Variants in IFI16 observed in about 807,000 individuals in gnomAD.
IFI16 encodes interferon gamma inducible protein 16.
Under a neutral mutation model 68.4 loss-of-function variants are expected in IFI16, and 49 were observed. The ratio of observed to expected loss-of-function variants is 0.72; its 90% CI spans 0.57 to 0.91. The LOEUF (loss-of-function observed/expected upper bound fraction) is 0.91. IFI16 is among the 40% of genes least tolerant of loss of function. The pLI is 0.00. For missense variants in IFI16, 878 were observed against 942.9 expected, an observed-to-expected ratio of 0.93 and a Z score of 0.90; for synonymous variants, 307 against 315.0, an observed-to-expected ratio of 0.97 and a Z score of 0.27.
Position 159,037,282 on chromosome 1 carries a change from G to A in IFI16, c.1329+4591G>A, listed in dbSNP as rs147598443. On this transcript the variant is annotated intron_variant, in intron 7 of 11. Coordinates refer to ENST00000295809, the MANE Select transcript of IFI16 (RefSeq NM_001376587.1). ...GGACAGGGATTCTAGAAAGAGGCAC[G>A]TGTCTCCATGGCCGCCGATGCTTAA... is the stretch of plus-strand genomic sequence containing the variant. Among the ~76,000 whole-genome samples the A allele has an allele frequency of 1.0e-3, 154 of 152,302 alleles. 1 individual carries two copies. The highest frequency in any genetic ancestry group is 3.5e-3 in the African/African-American group (145 of 41,566).
At chr1:159,001,816 T>C (rs1314509783), upstream of IFI16, among the ~76,000 whole-genome samples, 1 of 152,254 alleles carries the variant, frequency 6.6e-6, no homozygotes, top group Non-Finnish European at 1.5e-5. Context: ...GATATCTGTT[T>C]ACTTAAAACA....
chr1:159,014,602 A>T lies in IFI16; in HGVS notation c.-20-59A>T, dbSNP rs1004921007. 2.3e-5 allele frequency: 27 copies of T among 1,160,664 alleles called. No homozygotes were observed. The African/African-American group carries it at 4.2e-4, about 18-fold the overall frequency. 71.9% of individuals were successfully genotyped at this position (1,160,664 alleles called of 1,614,324 possible). On this transcript the variant is annotated intron_variant, in intron 1 of 11. Transcript: ENST00000295809. ...ATGGGCCACTCACTCACATAGGCAT[A>T]CATCTTTTAAATTGTCTGTATACAT...
At position 159,015,979 on chromosome 1, in the gene IFI16, G is replaced by A. The variant is rs1652900587; in HGVS notation, c.373G>A (p.Gly125Arg). Residue 125 changes from glycine (G) to arginine (R), a missense_variant, in exon 3 of 12, where the codon GGA becomes AGA. Gly to Arg is a moderately radical substitution (Grantham distance 125). This residue lies in a region of IFI16 where 443 missense variants were observed against 421.8 expected (regional missense o/e 1.05). Transcript: ENST00000295809. ...VKTEGAEATPGAQKRKKSTKE... is the reference protein window; with the variant it reads ...VKTEGAEATPRAQKRKKSTKE... ...AACTGAAGGAGCAGAGGCAACTCCT[G>A]GAGCTCAGGTAAGCTTCAGGAAGAG... 1.6e-5 allele frequency: 26 copies of A among 1,611,804 alleles called. No homozygotes were observed. Among genetic ancestry groups the A allele is most frequent in the Non-Finnish European group, 2.1e-5 (25 of 1,177,928 alleles).
chr1:159,006,781 A>G (rs1652276307), upstream of IFI16, among the ~76,000 whole-genome samples: 1 of 152,192 alleles, frequency 6.6e-6, no homozygotes. Context: ...TTTCCCGATA[A>G]CCACCTGTTT....
At chr1:159,023,997 A>T (rs1362386651) in intron 6 of IFI16, among the ~76,000 whole-genome samples, 1 of 152,246 alleles carries the variant, frequency 6.6e-6, no homozygotes, top group South Asian at 2.1e-4. Flanking sequence ...GGATTTTGCA[A>T]GAGAGCCACC....
Position 159,018,206 on chromosome 1 carries a change from T to C in IFI16, c.550-23T>C, listed in dbSNP as rs538758033. On this transcript the variant is annotated intron_variant, in intron 4 of 11. Coordinates refer to ENST00000295809, the MANE Select transcript of IFI16 (RefSeq NM_001376587.1). The stretch of plus-strand genomic sequence containing the variant: ...TTTCTCAATTAGACATTTTTCTTTG[T>C]TCTCCTGTGCTATCATACACAGAAC... 6.9e-6 allele frequency: 11 copies of C among 1,594,730 alleles called. No individual in the cohort carries two copies. In the African/African-American group the frequency reaches 1.2e-4, roughly 18 times the overall value.
intron 1 of IFI16, 117 bp from the exon 2 acceptor site, chr1:159,014,544 T>C (rs1273786350): frequency 1.6e-6 from 1 of 617,000 alleles, no homozygotes; most frequent in East Asian, 3.0e-5. Flanking sequence ...TGAGTCCTTC[T>C]TTATCACACA....
intron 1 of IFI16, among the ~76,000 whole-genome samples, chr1:159,014,301 C>A (rs1295334291): frequency 6.6e-6 from 1 of 152,180 alleles, no homozygotes; most frequent in African/African-American, 2.4e-5. Context: ...ATTTAAGAAA[C>A]AACAGGCAGG....
intron 6 of IFI16, among the ~76,000 whole-genome samples, chr1:159,023,168 T>C (rs530692113): frequency 3.9e-5 from 6 of 152,254 alleles, no homozygotes; most frequent in Non-Finnish European, 7.4e-5. Context: ...AAAAGAGTTA[T>C]TTATTTTAGA....
upstream of IFI16, among the ~76,000 whole-genome samples, chr1:159,005,413 A>G (rs1442560467): frequency 6.6e-6 from 1 of 152,188 alleles, no homozygotes; most frequent in Admixed American, 6.5e-5. Context: ...CTTGTACAGT[A>G]TATCATGACT....
intron 1 of IFI16, among the ~76,000 whole-genome samples, chr1:159,011,598 A>T (rs1223202446): frequency 6.6e-6 from 1 of 151,806 alleles, no homozygotes; most frequent in Non-Finnish European, 1.5e-5. Context: ...AAAATAATAA[A>T]TAATATCATT....
chr1:159,006,774 C>G (rs114985106), upstream of IFI16, among the ~76,000 whole-genome samples: 7,051 of 152,220 alleles, frequency 0.046, 549 homozygotes, highest in African/African-American at 0.16. Flanking sequence ...AGGGCGTTTT[C>G]CCGATAACCA....
intron 10 of IFI16, chr1:159,052,349 A>C: frequency 2.1e-6 from 1 of 487,346 alleles, no homozygotes; most frequent in Non-Finnish European, 3.7e-6. Flanking sequence ...GCATTTTATT[A>C]GTTTTGATGA....
chr1:159,015,769 G>C (rs1187504905), intron 2 of IFI16, 103 bp from the exon 3 acceptor site: 1 of 821,426 alleles, frequency 1.2e-6, no homozygotes, highest in African/African-American at 1.7e-5. Flanking sequence ...CCTCAAGCAG[G>C]AACTGAGAGC....
chr1:159,032,726 C>A, intron 7 of IFI16, 35 bp downstream of exon 7: 1 of 1,512,914 alleles, frequency 6.6e-7, no homozygotes, highest in African/African-American at 1.4e-5. Context: ...TCATGTCTCC[C>A]CACCATAATT....
intron 6 of IFI16, 92 bp downstream of exon 6, chr1:159,020,621 G>A: frequency 2.4e-6 from 2 of 849,176 alleles, no homozygotes. Flanking sequence ...TTTTTTTACA[G>A]AGTTCAGCGG....
upstream of IFI16, among the ~76,000 whole-genome samples, chr1:159,004,494 C>G (rs860635): frequency 0.75 from 113,367 of 151,900 alleles, 44,210 homozygotes; most frequent in Non-Finnish European, 0.85. Context: ...CACTTGAGAT[C>G]AGGAGTTTGA....
intron 6 of IFI16, among the ~76,000 whole-genome samples, chr1:159,028,252 T>C (rs1344651145): frequency 6.6e-6 from 1 of 152,188 alleles, no homozygotes; most frequent in African/African-American, 2.4e-5. Context: ...TTAGTTTCCA[T>C]TTTGATTTCA....
In IFI16 at chr1:159,018,286, C is replaced by T. The variant is rs147795049; in HGVS notation, c.607C>T (p.Arg203Cys). 33 of 1,614,060 alleles carry T rather than the reference C, an allele frequency of 2.0e-5. No individual in the cohort carries two copies. Among genetic ancestry groups the T allele is most frequent in the Admixed American group, 8.3e-5 (5 of 60,020 alleles). The stretch of plus-strand genomic sequence containing the variant: ...TCCCAGAAGAAATGTTCTCCAAAAA[C>T]GCCCAGTGATAGTGAAGGTACTGAG... ...VTPRRNVLQK[R>C]PVIVKVLSTT... Residue 203 changes from arginine (R) to cysteine (C), a missense_variant, in exon 5 of 12, where the codon CGC becomes TGC. By Grantham distance (180) the Arg-to-Cys change is radical (BLOSUM62 -3). Around this residue, in one of 4 missense-constraint regions of IFI16, gnomAD observed 443 missense variants for 421.8 expected, o/e 1.05. Coordinates refer to ENST00000295809, the MANE Select transcript of IFI16 (RefSeq NM_001376587.1).
Sources: allele counts gnomAD v4.1 joint callset (sites outside exome capture counted in the v4.1 genomes callset), GRCh38; gene constraint gnomAD v4.1.1; regional missense constraint gnomAD v4.1.1; transcripts MANE v1.5; gene names NCBI Gene and HGNC (gene_info 2026-07-23, HGNC 2026-07-21).